The following BTG2 variants were observed in gnomAD, a reference collection of about 807,000 sequenced individuals.
BTG2 encodes protein BTG2.
A neutral mutation model predicts 13.1 loss-of-function variants in BTG2; 9 were observed. The observed-to-expected ratio is 0.69, with a 90% CI of 0.41 to 1.20. BTG2 has a LOEUF of 1.20. Among genes scored for constraint, BTG2 ranks in the 50% most tolerant of loss-of-function variants. The pLI, the probability that BTG2 is intolerant of heterozygous loss-of-function variation, is 0.00. For missense variants in BTG2, 200 were observed against 209.5 expected (o/e 0.95, Z 0.28); for synonymous variants, 92 against 88.6 (o/e 1.04, Z -0.21).
rs1658331689 is a variant in BTG2 at position 203,308,858 on chromosome 1, A to G, written c.*1420A>G. The G allele has an allele frequency of 6.6e-6, 1 of 152,654 alleles. No individual in the cohort carries two copies. The highest frequency in any genetic ancestry group is 2.4e-5 in the African/African-American group (1 of 41,452). The allele number at this position is 152,654 out of a possible 1,614,324, so 9.5% of individuals were successfully genotyped here. On this transcript the variant is annotated 3_prime_UTR_variant, in exon 2 of 2. Transcript: ENST00000290551. ...GAGAAAAGTGGAAAGCTACACTGGG[A>G]AGAAACTCCCTTCCTTCAATTTCTC...
Position 203,306,830 on chromosome 1 carries a change from TCACACACACACA to T in BTG2, c.143-272_143-261del, listed in dbSNP as rs1220050362. Among the ~76,000 whole-genome samples, 750 of 136,622 alleles carry T rather than the reference TCACACACACACA, an allele frequency of 5.5e-3. 8 individuals are homozygous for T. Among genetic ancestry groups the T allele is most frequent in the African/African-American group, 0.018 (686 of 38,500 alleles). 89.6% of individuals were successfully genotyped at this position (136,622 alleles called of 152,430 possible). On this transcript the variant is annotated intron_variant, in intron 1 of 1. Transcript: ENST00000290551. ...CACACACACACACACACTCTCTCTC[TCACACACACACA>T]CTCAGTCACACACACACACACACAC... is the stretch of plus-strand genomic sequence containing the variant.
In BTG2 at chr1:203,307,504, C is replaced by T. The variant is rs1247926585; in HGVS notation, c.*66C>T. 7.7e-7 allele frequency: 1 copy of T among 1,296,312 alleles called. No homozygotes were observed. The highest frequency in any genetic ancestry group is 1.1e-6 in the Non-Finnish European group (1 of 943,660). The allele number at this position is 1,296,312 out of a possible 1,614,324, so 80.3% of individuals were successfully genotyped here. A position where few individuals can be genotyped will look rare whatever the true frequency, so the allele number is the denominator to read the frequency against. On this transcript the variant is annotated 3_prime_UTR_variant, in exon 2 of 2. Transcript: ENST00000290551. ...GCCGTGACAACAGGCCACCACATAC[C>T]TCAACCTGGGGAACTGTATTTTTAA...
chr1:203,306,295 C>A (rs529510131), intron 1 of BTG2, among the ~76,000 whole-genome samples: 3 of 152,266 alleles, frequency 2.0e-5, no homozygotes, highest in South Asian at 2.1e-4. Context: ...TTCCCCTTAG[C>A]CATCTGCCAC....
intron 1 of BTG2, among the ~76,000 whole-genome samples, chr1:203,306,285 T>C (rs540319540): frequency 6.6e-6 from 1 of 152,102 alleles, no homozygotes; most frequent in African/African-American, 2.4e-5. Context: ...TTATCTTTGG[T>C]TCCCCTTAGC....
rs1658249595 is a variant in BTG2, at chr1:203,305,897, C to G, written c.142+149C>G. ...TCCGACCCCCGGGGCGGCCCGCAGT[C>G]CCCAGTTTCCTGGGTCCTCCTCCCC... On this transcript the variant is annotated intron_variant, in intron 1 of 1. Coordinates refer to ENST00000290551, the MANE Select transcript of BTG2 (RefSeq NM_006763.3). 6.1e-6 allele frequency: 7 copies of G among 1,138,312 alleles called. 1 individual carries two copies. In the South Asian group the frequency reaches 8.2e-5, roughly 13 times the overall value. 70.5% of individuals were successfully genotyped at this position (1,138,312 alleles called of 1,614,324 possible). A position where few individuals can be genotyped will look rare whatever the true frequency, so the allele number is the denominator to read the frequency against.
chr1:203,306,559 A>G (rs567445645), intron 1 of BTG2, among the ~76,000 whole-genome samples: 2 of 152,218 alleles, frequency 1.3e-5, no homozygotes, highest in Non-Finnish European at 2.9e-5. Flanking sequence ...CTGCTAAGGA[A>G]GGTTCTCTGA....
chr1:203,308,838 A>C lies in BTG2; in HGVS notation c.*1400A>C, dbSNP rs1658331290. On this transcript the variant is annotated 3_prime_UTR_variant, in exon 2 of 2. Coordinates refer to ENST00000290551, the MANE Select transcript of BTG2 (RefSeq NM_006763.3). ...ATATATACTGTTGTGGGTTGGAGAA[A>C]AGTGGAAAGCTACACTGGGAAGAAA... The C allele has an allele frequency of 6.6e-6, 1 of 152,630 alleles. No individual in the cohort carries two copies. The highest frequency in any genetic ancestry group is 1.5e-5 in the Non-Finnish European group (1 of 68,048). The allele number at this position is 152,630 out of a possible 1,614,324, so 9.5% of individuals were successfully genotyped here.
At position 203,307,402 on chromosome 1, in the gene BTG2, C is replaced by T. The variant is rs773592774; in HGVS notation, c.441C>T (p.Ser147=). Residue 147 remains serine, a synonymous_variant, in exon 2 of 2, where the codon AGC becomes AGT. Transcript: ENST00000290551. ...ACCAAGTGCTGCTGGGCCGGAGCAG[C>T]CCCTCCAAGAACTACGTGATGGCAG... is the stretch of plus-strand genomic sequence containing the variant. ...CKNQVLLGRS[S]PSKNYVMAVS... is the part of the protein sequence containing the mutation. The T allele has an allele frequency of 2.4e-5, 38 of 1,602,474 alleles. No homozygotes were observed. The highest frequency in any genetic ancestry group is 3.0e-5 in the Non-Finnish European group (35 of 1,171,526).
rs2102285586 is a variant in BTG2, at chr1:203,307,169, A to T, written c.208A>T (p.Ile70Phe). The T allele has an allele frequency of 6.2e-7, 1 of 1,614,222 alleles. No homozygotes were observed. The highest frequency in any genetic ancestry group is 1.3e-5 in the African/African-American group (1 of 75,054). ...GGGCTCCGGCTACCGCTGCATTCGC[A>T]TCAACCACAAGATGGACCCCATCAT... ...SKGSGYRCIR[I>F]NHKMDPIISR... Residue 70 changes from isoleucine (I) to phenylalanine (F), a missense_variant, in exon 2 of 2, where the codon ATC becomes TTC. Physicochemically the swap from Ile to Phe is conservative, Grantham distance 21. Transcript: ENST00000290551.
chr1:203,305,634 C>T lies in BTG2; in HGVS notation c.28C>T (p.Leu10Phe), dbSNP rs1658239039. 2 of 1,596,378 alleles carry T rather than the reference C, an allele frequency of 1.3e-6. No individual in the cohort carries two copies. The highest frequency in any genetic ancestry group is 1.3e-5 in the African/African-American group (1 of 74,358). Residue 10 changes from leucine (L) to phenylalanine (F), a missense_variant, in exon 1 of 2, where the codon CTC (leucine) becomes TTC (phenylalanine). Leu to Phe is a conservative substitution (Grantham distance 22). Coordinates refer to ENST00000290551, the MANE Select transcript of BTG2 (RefSeq NM_006763.3). Reference sequence around the variant, plus strand: ...GAGCCACGGGAAGGGAACCGACATGCTCCCGGAGATCGCCGCCGCCGTGGG... The same window carrying T: ...GAGCCACGGGAAGGGAACCGACATGTTCCCGGAGATCGCCGCCGCCGTGGG... MSHGKGTDM[L>F]PEIAAAVGFL...
intron 1 of BTG2, among the ~76,000 whole-genome samples, chr1:203,306,503 A>C (rs1658277677): frequency 6.6e-6 from 1 of 152,086 alleles, no homozygotes; most frequent in African/African-American, 2.4e-5. Context: ...CTTCTGAGGA[A>C]AACAGATGTT....
Position 203,308,156 on chromosome 1 carries a change from T to C in BTG2, c.*718T>C, listed in dbSNP as rs1195557237. The C allele has an allele frequency of 6.6e-6, 1 of 152,536 alleles. No homozygotes were observed. Among genetic ancestry groups the C allele is most frequent in the East Asian group, 1.9e-4 (1 of 5,194 alleles). 9.4% of individuals were successfully genotyped at this position (152,536 alleles called of 1,614,324 possible). On this transcript the variant is annotated 3_prime_UTR_variant, in exon 2 of 2. Transcript: ENST00000290551. The stretch of plus-strand genomic sequence containing the variant: ...GAACTGGAGGTTATTGGGGTTAGGA[T>C]GGAAGGGAACTCTGCACAAAACCTT...
intron 1 of BTG2, among the ~76,000 whole-genome samples, chr1:203,306,387 C>T (rs557507145): frequency 1.3e-5 from 2 of 152,192 alleles, no homozygotes; most frequent in Admixed American, 6.5e-5. Flanking sequence ...AGATAAGCAG[C>T]CCGCTCGCTG....
rs369785815 is a variant in BTG2, at chr1:203,307,446, C to T, written c.*8C>T. On this transcript the variant is annotated 3_prime_UTR_variant, in exon 2 of 2. Coordinates refer to ENST00000290551, the MANE Select transcript of BTG2 (RefSeq NM_006763.3). ...ATGGCAGTCTCCAGCTAGGCCCTTC[C>T]GCCCCCGCCCTGGGCGCCGCCGTGC... 3.6e-5 allele frequency: 56 copies of T among 1,563,130 alleles called. No individual in the cohort carries two copies. The highest frequency in any genetic ancestry group is 5.9e-5 in the South Asian group (5 of 84,762).
rs1209051024 is a variant in BTG2, at chr1:203,307,293, A to C, written c.332A>C (p.Tyr111Ser). 1.2e-6 allele frequency: 2 copies of C among 1,614,152 alleles called. No individual in the cohort carries two copies. Among genetic ancestry groups the C allele is most frequent in the Non-Finnish European group, 8.5e-7 (1 of 1,180,024 alleles). Residue 111 changes from tyrosine (Y) to serine (S), a missense_variant, in exon 2 of 2, where the codon TAC becomes TCC. By Grantham distance (144) the Tyr-to-Ser change is moderately radical. Coordinates refer to ENST00000290551, the MANE Select transcript of BTG2 (RefSeq NM_006763.3). ...TGGGTGGACCCCTATGAGGTGTCCT[A>C]CCGCATTGGGGAGGACGGCTCCATC... Reference protein sequence around the residue: ...TLWVDPYEVSYRIGEDGSICV... With the variant: ...TLWVDPYEVSSRIGEDGSICV...
At chr1:203,306,143 G>C (rs1163397846) in intron 1 of BTG2, among the ~76,000 whole-genome samples, 1 of 152,332 alleles carries the variant, frequency 6.6e-6, no homozygotes, top group East Asian at 1.9e-4. Context: ...GATGAGGGAA[G>C]AAGGTGCAGT....
chr1:203,305,840 A>T (rs938953943), intron 1 of BTG2, 92 bp downstream of exon 1: 2 of 1,469,808 alleles, frequency 1.4e-6, no homozygotes, highest in East Asian at 2.6e-5. Context: ...AGGGTGACCC[A>T]CGGGAGCAGC....
intron 1 of BTG2, 93 bp from the exon 2 acceptor site, chr1:203,307,011 C>A: frequency 3.6e-6 from 4 of 1,118,298 alleles, no homozygotes; most frequent in Non-Finnish European, 5.2e-6. Flanking sequence ...CCTTTCTCTC[C>A]TCCTGTCCCT....
rs763250683 is a variant in BTG2, at chr1:203,307,222, C to T, written c.261C>T (p.Leu87=). Residue 87 remains leucine, a synonymous_variant, in exon 2 of 2, where the codon CTC becomes CTT. Transcript: ENST00000290551. The stretch of plus-strand genomic sequence containing the variant: ...GCAGGGTGGCCAGCCAGATCGGACT[C>T]AGCCAGCCCCAGCTGCACCAGCTGC... The part of the protein sequence containing the change: ...IISRVASQIG[L]SQPQLHQLLP... The T allele has an allele frequency of 1.9e-6, 3 of 1,614,124 alleles. No individual in the cohort carries two copies. The East Asian group carries it at 6.7e-5, about 36-fold the overall frequency.
Sources: gnomAD v4.1 joint callset for allele counts (sites outside exome capture counted in the v4.1 genomes callset) on GRCh38, gnomAD v4.1.1 for gene constraint, MANE v1.5 for transcripts, NCBI Gene and HGNC (gene_info 2026-07-23, HGNC 2026-07-21) for gene names.